LRRC61: variants seen among roughly 807,000 people sequenced by gnomAD.
LRRC61 encodes leucine rich repeat containing 61, also known as leucine-rich repeat-containing protein 61.
A neutral mutation model predicts 15.1 loss-of-function variants in LRRC61; 9 were observed. That is an observed-to-expected ratio of 0.60 (90% CI 0.36 to 1.04). The LOEUF (loss-of-function observed/expected upper bound fraction) is 1.04. LRRC61 is among the 50% of genes least tolerant of loss of function. The probability of loss-of-function intolerance (pLI) is 0.01; values close to 1 mark genes in which losing one functional copy is unlikely to be tolerated. For missense variants in LRRC61, 344 were observed against 335.6 expected (o/e 1.03, Z -0.20); for synonymous variants, 173 against 158.6 (o/e 1.09, Z -0.68).
the LRRC61 span, among the ~76,000 whole-genome samples, chr7:150,316,379 T>C: frequency 6.6e-6 from 1 of 152,190 alleles, no homozygotes; most frequent in Admixed American, 6.5e-5. Context: ...TATGTTGATA[T>C]GTGTCAGGGC....
chr7:150,316,283 G>A, the LRRC61 span, among the ~76,000 whole-genome samples: 2 of 152,184 alleles, frequency 1.3e-5, no homozygotes, highest in Non-Finnish European at 2.9e-5. Flanking sequence ...CATTGGGCCT[G>A]TTTAAACTTT....
At chr7:150,316,577 C>T in the LRRC61 span, among the ~76,000 whole-genome samples, 2 of 150,548 alleles carry the variant, frequency 1.3e-5, no homozygotes, top group African/African-American at 4.9e-5. Context: ...CCTCTGCCTC[C>T]CAGGTTCAAG....
Position 150,333,482 on chromosome 7 carries a change from G to A in LRRC61, c.-144-3236G>A, listed in dbSNP as rs554981565. On this transcript the variant is annotated intron_variant, in intron 2 of 2. Coordinates refer to ENST00000359623, the MANE Select transcript of LRRC61 (RefSeq NM_001142928.2). This position sits in a 1 kb window ranked among gnomAD's most constrained non-coding sequence, Gnocchi z 4.3. ...GGGTTGGGAAGCCCTCTTCTAGAGCGTTAGAGCCTCCAGTCCACCCGAGGC... is the reference window on the plus strand; with the variant it reads ...GGGTTGGGAAGCCCTCTTCTAGAGCATTAGAGCCTCCAGTCCACCCGAGGC... 1.7e-3 allele frequency among the ~76,000 whole-genome samples: 262 copies of A among 152,318 alleles called. 1 individual carries two copies. Among genetic ancestry groups the A allele is most frequent in the African/African-American group, 6.1e-3 (253 of 41,564 alleles).
Position 150,337,802 on chromosome 7 carries a change from C to G in LRRC61, c.*161C>G. ...TGAGAGCAGCCCCTCCCCACCATCC[C>G]TCCACATGCTGCAAGGACAGACTGA... On this transcript the variant is annotated 3_prime_UTR_variant, in exon 3 of 3. Transcript: ENST00000359623. The G allele has an allele frequency of 1.3e-6, 1 of 753,626 alleles. No homozygotes were observed. The allele number at this position is 753,626 out of a possible 1,614,324, so 46.7% of individuals were successfully genotyped here. A position where few individuals can be genotyped will look rare whatever the true frequency, so the allele number is the denominator to read the frequency against.
rs11486915 is a variant in LRRC61, at chr7:150,328,213, G to T, written c.-145+2203G>T. ...TCAAGTTTTTAGGGCAGAAGATCTGGTCCAAAATAGGAAATAGAGGAAGGG... is the reference window on the plus strand; with the variant it reads ...TCAAGTTTTTAGGGCAGAAGATCTGTTCCAAAATAGGAAATAGAGGAAGGG... On this transcript the variant is annotated intron_variant, in intron 2 of 2. Transcript: ENST00000359623. Among the ~76,000 whole-genome samples the T allele has an allele frequency of 5.3e-3, 808 of 152,286 alleles. 7 individuals are homozygous for T. Among genetic ancestry groups the T allele is most frequent in the African/African-American group, 0.019 (771 of 41,546 alleles).
At chr7:150,329,289 A>T (rs904670390) in intron 2 of LRRC61, among the ~76,000 whole-genome samples, 10 of 152,242 alleles carry the variant, frequency 6.6e-5, no homozygotes, top group Non-Finnish European at 1.3e-4. Context: ...ACCGAGATTA[A>T]AGTAGACAAC....
At chr7:150,336,144 A>G (rs1798281856) in intron 2 of LRRC61, among the ~76,000 whole-genome samples, 1 of 152,164 alleles carries the variant, frequency 6.6e-6, no homozygotes. Flanking sequence ...CTAAAGGCCA[A>G]CTTCTTATGC....
At chr7:150,318,491 C>T (rs181049996), upstream of LRRC61, among the ~76,000 whole-genome samples, 13 of 152,256 alleles carry the variant, frequency 8.5e-5, no homozygotes, top group Admixed American at 7.2e-4. Context: ...TTGCCAGTTG[C>T]GGTGGCTCAC....
upstream of LRRC61, chr7:150,323,337 C>T (rs1042722333): frequency 3.6e-6 from 1 of 274,756 alleles, no homozygotes; most frequent in Middle Eastern, 1.4e-3. Context: ...TTGGCCAGGC[C>T]CCCTGGGCGC....
In LRRC61 at chr7:150,337,397, T is replaced by C; in HGVS notation, c.536T>C (p.Leu179Pro). 1 of 1,605,908 alleles carries C rather than the reference T, an allele frequency of 6.2e-7. No individual in the cohort carries two copies. Among genetic ancestry groups the C allele is most frequent in the Non-Finnish European group, 8.5e-7 (1 of 1,179,934 alleles). The part of the protein sequence containing the change: ...GSEFYQLCRD[L>P]DSSLRPSSSP... The stretch of plus-strand genomic sequence containing the variant: ...GAGTTCTACCAGCTGTGCCGAGACC[T>C]GGACAGCTCCTTGCGTCCCAGCTCC... Residue 179 changes from leucine (L) to proline (P), a missense_variant, in exon 3 of 3, where the codon CTG becomes CCG. Physicochemically the swap from Leu to Pro is moderately conservative, Grantham distance 98. Coordinates refer to ENST00000359623, the MANE Select transcript of LRRC61 (RefSeq NM_001142928.2).
chr7:150,329,737 GC>G (rs1235527221), intron 2 of LRRC61: 1 of 152,332 alleles, frequency 6.6e-6, no homozygotes, highest in African/African-American at 2.4e-5. Flanking sequence ...CCCTGTCCAG[GC>G]CACTTTTGAA....
chr7:150,337,982 C>A lies in LRRC61; in HGVS notation c.*341C>A. On this transcript the variant is annotated 3_prime_UTR_variant, in exon 3 of 3. Coordinates refer to ENST00000359623, the MANE Select transcript of LRRC61 (RefSeq NM_001142928.2). ...GTAGGGATGGGCCAGCCTCCCGTCT[C>A]AGCTGTTGGGAGACAGTAGGCAGGC... 2.4e-6 allele frequency: 1 copy of A among 424,426 alleles called. No individual in the cohort carries two copies. The highest frequency in any genetic ancestry group is 4.5e-6 in the Non-Finnish European group (1 of 223,316). 26.3% of individuals were successfully genotyped at this position (424,426 alleles called of 1,614,324 possible).
In LRRC61 at chr7:150,327,696, C is replaced by G. The variant is rs548629238; in HGVS notation, c.-145+1686C>G. 9.2e-5 allele frequency among the ~76,000 whole-genome samples: 14 copies of G among 151,954 alleles called. No individual in the cohort carries two copies. The South Asian group carries it at 2.9e-3, about 32-fold the overall frequency. ...ATTAGTCAGGTGTGTTGGTGTACAC[C>G]TGTAGTTCCAGCTACTTGGGAGCTG... On this transcript the variant is annotated intron_variant, in intron 2 of 2. Transcript: ENST00000359623.
chr7:150,314,990 ATAT>A, the LRRC61 span, among the ~76,000 whole-genome samples: 18 of 147,232 alleles, frequency 1.2e-4, no homozygotes, highest in East Asian at 2.7e-3. Flanking sequence ...ATTTTTAATA[ATAT>A]TATTAAATAT....
upstream of LRRC61, among the ~76,000 whole-genome samples, chr7:150,322,427 T>C (rs540088326): frequency 6.6e-6 from 1 of 152,350 alleles, no homozygotes; most frequent in African/African-American, 2.4e-5. Flanking sequence ...GGACCTCTGG[T>C]GGTCCTCACT....
upstream of LRRC61, among the ~76,000 whole-genome samples, chr7:150,322,221 T>C (rs761074769): frequency 6.6e-6 from 1 of 152,086 alleles, no homozygotes. Context: ...GTGTCAGAGG[T>C]GTTTAAGCCA....
chr7:150,326,573 CTTGGGAGGCTGAGT>C (rs1797968235), intron 2 of LRRC61, among the ~76,000 whole-genome samples: 1 of 151,428 alleles, frequency 6.6e-6, no homozygotes, highest in South Asian at 2.1e-4. Flanking sequence ...GTCCCAGCTA[CTTGGGAGGCTGAGT>C]TTGGGAGGAT....
At position 150,337,816 on chromosome 7, in the gene LRRC61, AGGAC is replaced by A; in HGVS notation, c.*176_*179del. On this transcript the variant is annotated 3_prime_UTR_variant, in exon 3 of 3. Transcript: ENST00000359623. ...CCCCACCATCCCTCCACATGCTGCAAGGACAGACTGAAGGGCTGTGAGCAGGTGT... is the reference window on the plus strand; with the variant it reads ...CCCCACCATCCCTCCACATGCTGCAAAGACTGAAGGGCTGTGAGCAGGTGT... 2 of 705,388 alleles carry A rather than the reference AGGAC, an allele frequency of 2.8e-6. No individual in the cohort carries two copies. Among genetic ancestry groups the A allele is most frequent in the Non-Finnish European group, 4.6e-6 (2 of 432,890 alleles). The allele number at this position is 705,388 out of a possible 1,614,324, so 43.7% of individuals were successfully genotyped here. A position where few individuals can be genotyped will look rare whatever the true frequency, so the allele number is the denominator to read the frequency against.
chr7:150,312,976 C>A, the LRRC61 span, among the ~76,000 whole-genome samples: 1 of 152,198 alleles, frequency 6.6e-6, no homozygotes, highest in Non-Finnish European at 1.5e-5. Flanking sequence ...AACCTTATGA[C>A]ATTCCACCAT....
Sources: gnomAD v4.1 joint callset for allele counts (sites outside exome capture counted in the v4.1 genomes callset) on GRCh38, gnomAD v4.1.1 for gene constraint, Gnocchi (gnomAD v3.1) non-coding constraint, MANE v1.5 for transcripts, NCBI Gene and HGNC (gene_info 2026-07-23, HGNC 2026-07-21) for gene names.